The following ASTN2 variants were observed in gnomAD, a reference collection of about 807,000 sequenced individuals.
ASTN2 encodes the protein astrotactin-2.
Under a neutral mutation model 139.8 loss-of-function variants are expected in ASTN2, and 54 were observed. The observed-to-expected ratio is 0.39, with a 90% confidence interval of 0.31 to 0.48. The LOEUF (loss-of-function observed/expected upper bound fraction) is 0.48, where lower values mean the gene tolerates loss of function less well. Among genes scored for constraint, ASTN2 ranks in the 20% least tolerant of loss-of-function variants. ASTN2 has a pLI of 0.95. For synonymous variants in ASTN2, 756 were observed against 719.5 expected (o/e 1.05, Z -0.81); for missense variants, 1,565 against 1,725.1 (o/e 0.91, Z 1.64).
chr9:117,298,677 T>TATATATATATATATGTGC (rs1834797410), intron 1 of ASTN2, among the ~76,000 whole-genome samples: 7 of 131,106 alleles, frequency 5.3e-5, no homozygotes, highest in South Asian at 5.1e-4. Flanking sequence ...TGTGTATATA[T>TATATATATATATATGTGC]ATATATATAT....
At chr9:117,225,805 G>T (rs748251976) in intron 2 of ASTN2, among the ~76,000 whole-genome samples, 4 of 151,716 alleles carry the variant, frequency 2.6e-5, no homozygotes, top group Non-Finnish European at 5.9e-5. Flanking sequence ...CGGATAAGGT[G>T]ATATGTATAA....
At chr9:116,775,163 A>C (rs190022143) in intron 13 of ASTN2, among the ~76,000 whole-genome samples, 6 of 152,240 alleles carry the variant, frequency 3.9e-5, no homozygotes, top group Admixed American at 3.9e-4. Flanking sequence ...GGATATGTAA[A>C]CAAGGAGCTC....
chr9:116,682,054 A>C (rs1321002152), intron 16 of ASTN2, among the ~76,000 whole-genome samples: 1 of 151,744 alleles, frequency 6.6e-6, no homozygotes, highest in Non-Finnish European at 1.5e-5. Context: ...GAGCTTCTGC[A>C]CAGCAAAAGA....
chr9:116,799,961 C>A (rs1830801169), intron 13 of ASTN2, among the ~76,000 whole-genome samples: 1 of 152,180 alleles, frequency 6.6e-6, no homozygotes, highest in Non-Finnish European at 1.5e-5. Flanking sequence ...CACATTTCCA[C>A]AGAACTTGAC....
intron 19 of ASTN2, among the ~76,000 whole-genome samples, chr9:116,504,895 CAAA>C (rs386416022): frequency 1.1e-5 from 1 of 91,762 alleles, no homozygotes; most frequent in Non-Finnish European, 2.1e-5. Flanking sequence ...AATCCTGTCT[CAAA>C]AAAAAAAAAA....
At chr9:116,752,528 T>C (rs1323498923) in intron 13 of ASTN2, among the ~76,000 whole-genome samples, 1 of 152,208 alleles carries the variant, frequency 6.6e-6, no homozygotes, top group Admixed American at 6.5e-5. Flanking sequence ...AAAATTGTTG[T>C]TGGACTTTAT....
chr9:116,519,524 A>G (rs1214876187), intron 19 of ASTN2, among the ~76,000 whole-genome samples: 2 of 152,122 alleles, frequency 1.3e-5, no homozygotes, highest in Admixed American at 6.6e-5. Flanking sequence ...CTAAGAGGAA[A>G]GTTCAAAGCA....
chr9:117,035,975 T>C (rs1001825410), intron 6 of ASTN2, among the ~76,000 whole-genome samples: 24 of 152,218 alleles, frequency 1.6e-4, no homozygotes, highest in African/African-American at 5.5e-4. Context: ...TCTCTTTCTC[T>C]ACAAACTGTT....
At chr9:116,839,535 A>T (rs1832126748) in intron 11 of ASTN2, among the ~76,000 whole-genome samples, 1 of 152,058 alleles carries the variant, frequency 6.6e-6, no homozygotes, top group Admixed American at 6.5e-5. Context: ...GATGGAGTGC[A>T]GTGGCACGAT....
chr9:117,085,367 T>C (rs1263709044), intron 5 of ASTN2, among the ~76,000 whole-genome samples: 1 of 152,202 alleles, frequency 6.6e-6, no homozygotes, highest in African/African-American at 2.4e-5. Context: ...TCTTTTAAAA[T>C]ATTTTAAGTA....
At chr9:117,009,450 C>A (rs1198568714) in intron 6 of ASTN2, among the ~76,000 whole-genome samples, 1 of 152,042 alleles carries the variant, frequency 6.6e-6, no homozygotes, top group African/African-American at 2.4e-5. Flanking sequence ...TTCAGGATGG[C>A]TGCATGTAAG....
chr9:117,155,027 G>A (rs1190200205), intron 3 of ASTN2, among the ~76,000 whole-genome samples: 1 of 151,958 alleles, frequency 6.6e-6, no homozygotes, highest in Non-Finnish European at 1.5e-5. Context: ...AATACAGGAA[G>A]AGGAGCAAAA....
chr9:117,231,339 T>A (rs561635889), intron 2 of ASTN2, among the ~76,000 whole-genome samples: 1 of 152,328 alleles, frequency 6.6e-6, no homozygotes, highest in African/African-American at 2.4e-5. Context: ...CATCCCTGAC[T>A]AGTCCTTCTT....
chr9:116,699,417 G>A lies in ASTN2; in HGVS notation c.2806+26354C>T. 6.2e-7 allele frequency: 1 copy of A among 1,614,142 alleles called. No individual in the cohort carries two copies. Among genetic ancestry groups the A allele is most frequent in the Non-Finnish European group, 8.5e-7 (1 of 1,180,020 alleles). ...TTCCATTGGCTCTGTAGGCCCTGAT[G>A]GGCAGCTGGGTCGCCAGATTAGCCA... On this transcript the variant is annotated intron_variant, in intron 16 of 22. Transcript: ENST00000313400. This position sits in a 1 kb window ranked among gnomAD's most constrained non-coding sequence, Gnocchi z 4.2.
chr9:117,387,298 T>C lies in ASTN2; in HGVS notation c.442+27199A>G, dbSNP rs562300139. Among the ~76,000 whole-genome samples the C allele has an allele frequency of 7.2e-5, 11 of 152,322 alleles. No individual in the cohort carries two copies. The South Asian group carries it at 2.3e-3, about 32-fold the overall frequency. On this transcript the variant is annotated intron_variant, in intron 1 of 22. Transcript: ENST00000313400. ...TAATACAAAATAAAGACATAATTCC[T>C]ATCTTCAATGAGTTTTCAGTGAGTG...
chr9:117,308,923 G>C (rs923719804), intron 1 of ASTN2, among the ~76,000 whole-genome samples: 2 of 152,144 alleles, frequency 1.3e-5, no homozygotes, highest in Non-Finnish European at 2.9e-5. Flanking sequence ...GAAAACTTGA[G>C]TGAACTTTCC....
chr9:117,407,775 T>C (rs995628396), intron 1 of ASTN2, among the ~76,000 whole-genome samples: 5 of 152,184 alleles, frequency 3.3e-5, no homozygotes, highest in African/African-American at 1.2e-4. Flanking sequence ...CCTGCCTCTT[T>C]CTGGGGGCAG....
intron 13 of ASTN2, among the ~76,000 whole-genome samples, chr9:116,805,003 T>G (rs1349015422): frequency 6.6e-6 from 1 of 151,982 alleles, no homozygotes; most frequent in African/African-American, 2.4e-5. Flanking sequence ...AAAAACCCTT[T>G]ACCAATATCT....
At chr9:116,811,907 C>T (rs924320514) in intron 12 of ASTN2, among the ~76,000 whole-genome samples, 3 of 152,096 alleles carry the variant, frequency 2.0e-5, no homozygotes, top group South Asian at 2.1e-4. Flanking sequence ...GACATAGTTG[C>T]CATTCTTTGA....
Sources: gnomAD v4.1 joint callset for allele counts (sites outside exome capture counted in the v4.1 genomes callset) on GRCh38, gnomAD v4.1.1 for gene constraint, Gnocchi (gnomAD v3.1) non-coding constraint, MANE v1.5 for transcripts, NCBI Gene and HGNC (gene_info 2026-07-23, HGNC 2026-07-21) for gene names.